Variants in MACROD2 observed in about 807,000 individuals in gnomAD.
The protein encoded by MACROD2 is mono-ADP ribosylhydrolase 2.
Under a neutral mutation model 70.4 loss-of-function variants are expected in MACROD2, and 36 were observed. The ratio of observed to expected loss-of-function variants is 0.51; its 90% confidence interval spans 0.39 to 0.68. The LOEUF is 0.68. Among genes scored for constraint, MACROD2 ranks in the 30% least tolerant of loss-of-function variants. The probability of loss-of-function intolerance (pLI) is 0.00; values close to 1 mark genes in which losing one functional copy is unlikely to be tolerated. For missense variants in MACROD2, 496 were observed against 538.4 expected (o/e 0.92, Z 0.78); for synonymous variants, 172 against 178.8 (o/e 0.96, Z 0.30).
chr20:14,971,531 C>A (rs759777443), intron 5 of MACROD2, among the ~76,000 whole-genome samples: 1 of 151,992 alleles, frequency 6.6e-6, no homozygotes, highest in Non-Finnish European at 1.5e-5. Flanking sequence ...ATTAAATCAC[C>A]GCAGAATCCA....
chr20:15,527,626 A>G (rs1005476766), intron 8 of MACROD2, among the ~76,000 whole-genome samples: 1 of 152,166 alleles, frequency 6.6e-6, no homozygotes, highest in African/African-American at 2.4e-5. Flanking sequence ...CCCATAGGCC[A>G]TCTGATCATC....
At chr20:15,404,555 T>G (rs2045971423) in intron 6 of MACROD2, among the ~76,000 whole-genome samples, 1 of 152,218 alleles carries the variant, frequency 6.6e-6, no homozygotes, top group Non-Finnish European at 1.5e-5. Context: ...GAGGTGAAGT[T>G]AAAAACCAGT....
chr20:15,417,111 G>T (rs909082699), intron 6 of MACROD2, among the ~76,000 whole-genome samples: 3 of 152,130 alleles, frequency 2.0e-5, no homozygotes, highest in African/African-American at 7.2e-5. Context: ...CTAGCAACCT[G>T]CTCCTTCTCC....
At chr20:14,477,775 A>T (rs1338412815) in intron 3 of MACROD2, among the ~76,000 whole-genome samples, 2 of 152,178 alleles carry the variant, frequency 1.3e-5, no homozygotes, top group Non-Finnish European at 2.9e-5. Context: ...TTAGAATTGT[A>T]ATTTAAAGCA....
chr20:15,762,748 G>T (rs1191298520), intron 8 of MACROD2, among the ~76,000 whole-genome samples: 5 of 152,150 alleles, frequency 3.3e-5, no homozygotes, highest in African/African-American at 1.2e-4. Context: ...AACTGTTCTG[G>T]TGACTTGCTA....
At chr20:14,398,192 T>TA (rs2122826695) in intron 3 of MACROD2, among the ~76,000 whole-genome samples, 1 of 152,336 alleles carries the variant, frequency 6.6e-6, no homozygotes, top group African/African-American at 2.4e-5. Context: ...CTATTGTGAA[T>TA]AGTGCTTCAA....
chr20:14,963,411 G>T (rs930516778), intron 5 of MACROD2, among the ~76,000 whole-genome samples: 1 of 152,038 alleles, frequency 6.6e-6, no homozygotes, highest in Admixed American at 6.6e-5. Context: ...TTAGACAATG[G>T]GACGCTTGGG....
intron 6 of MACROD2, among the ~76,000 whole-genome samples, chr20:15,336,406 T>C (rs892163251): frequency 6.7e-6 from 1 of 150,238 alleles, no homozygotes; most frequent in Admixed American, 6.6e-5. Flanking sequence ...AGGTGTGGAA[T>C]TGATCTTTTG....
intron 5 of MACROD2, among the ~76,000 whole-genome samples, chr20:15,043,082 C>G (rs1025083598): frequency 6.6e-6 from 1 of 152,138 alleles, no homozygotes; most frequent in Admixed American, 6.5e-5. Context: ...TCATTCCTAT[C>G]TATGTGGCCT....
chr20:15,612,338 G>C (rs868328664), intron 8 of MACROD2, among the ~76,000 whole-genome samples: 2 of 152,070 alleles, frequency 1.3e-5, no homozygotes, highest in South Asian at 4.1e-4. Flanking sequence ...CCTCTATTGC[G>C]TCGACTCTTC....
chr20:15,224,959 T>TAAA (rs5840661), intron 5 of MACROD2, among the ~76,000 whole-genome samples: 2 of 124,532 alleles, frequency 1.6e-5, no homozygotes, highest in African/African-American at 6.1e-5. Context: ...GACTTTGTCT[T>TAAA]AAAAAAAAAA....
chr20:15,779,659 C>T (rs2051796434), intron 8 of MACROD2, among the ~76,000 whole-genome samples: 1 of 152,078 alleles, frequency 6.6e-6, no homozygotes, highest in African/African-American at 2.4e-5. Context: ...TGTGTGTTTT[C>T]CCCTCCACAG....
At chr20:14,862,017 ATTTATATATATT>A (rs2073328702) in intron 5 of MACROD2, among the ~76,000 whole-genome samples, 2 of 14,718 alleles carry the variant, frequency 1.4e-4, no homozygotes, top group African/African-American at 3.4e-4. Flanking sequence ...ATATATATAT[ATTTATATATATT>A]TATATATATT....
At chr20:14,093,081 T>C (rs529664420) in intron 3 of MACROD2, among the ~76,000 whole-genome samples, 7 of 152,072 alleles carry the variant, frequency 4.6e-5, no homozygotes, top group Admixed American at 6.5e-5. Context: ...TTTGACTCTA[T>C]TTTACCTTAT....
chr20:15,088,451 AATATTT>A lies in MACROD2; in HGVS notation c.419-141488_419-141483del, dbSNP rs1568567510. 1.7e-3 allele frequency among the ~76,000 whole-genome samples: 152 copies of A among 88,288 alleles called. 2 individuals carry two copies. The highest frequency in any genetic ancestry group is 6.6e-3 in the African/African-American group (138 of 20,964). The allele number at this position is 88,288 out of a possible 152,430, so 57.9% of individuals were successfully genotyped here. The stretch of plus-strand genomic sequence containing the variant: ...TATATATATATATATATATATATAT[AATATTT>A]TGTGTGTGTGTGTGTGTTGCTTTAA... On this transcript the variant is annotated intron_variant, in intron 5 of 17. Transcript: ENST00000684519.
intron 3 of MACROD2, among the ~76,000 whole-genome samples, chr20:14,304,665 C>A (rs2082504547): frequency 6.6e-6 from 1 of 152,164 alleles, no homozygotes; most frequent in South Asian, 2.1e-4. Flanking sequence ...TATCTCTGAA[C>A]TCCTAGTACT....
chr20:15,474,873 A>ATGTCCT (rs2047001601), intron 7 of MACROD2, among the ~76,000 whole-genome samples: 1 of 152,120 alleles, frequency 6.6e-6, no homozygotes, highest in Admixed American at 6.5e-5. Flanking sequence ...CTTGTCCTGT[A>ATGTCCT]GGCATATGTC....
At chr20:16,028,141 G>A (rs749976152) in intron 15 of MACROD2, among the ~76,000 whole-genome samples, 8 of 152,204 alleles carry the variant, frequency 5.3e-5, no homozygotes, top group Non-Finnish European at 8.8e-5. Flanking sequence ...CATCCATCTA[G>A]TTCCAACTCA....
intron 3 of MACROD2, among the ~76,000 whole-genome samples, chr20:14,405,478 G>A (rs889319256): frequency 2.0e-5 from 3 of 152,068 alleles, no homozygotes; most frequent in African/African-American, 7.2e-5. Flanking sequence ...AAGAATCTAC[G>A]GGAGTCCAGT....
Sources: allele counts gnomAD v4.1 joint callset (sites outside exome capture counted in the v4.1 genomes callset), GRCh38; gene constraint gnomAD v4.1.1; transcripts MANE v1.5; gene names NCBI Gene and HGNC (gene_info 2026-07-23, HGNC 2026-07-21).